Variants in D2HGDH observed in about 807,000 individuals in gnomAD.
The protein encoded by D2HGDH is D-2-hydroxyglutarate dehydrogenase, mitochondrial.
A neutral mutation model predicts 46.9 loss-of-function variants in D2HGDH; 31 were observed. The ratio of observed to expected loss-of-function variants is 0.66; its 90% CI spans 0.50 to 0.89. D2HGDH has a LOEUF of 0.89. Among genes scored for constraint, D2HGDH ranks in the 40% least tolerant of loss-of-function variants. D2HGDH has a pLI of 0.00. For missense variants in D2HGDH, 698 were observed against 720.8 expected, an observed-to-expected ratio of 0.97 and a Z score of 0.36; for synonymous variants, 364 against 332.6, an observed-to-expected ratio of 1.09 and a Z score of -1.03.
At chr2:241,738,742 G>T (rs1001982932) in intron 2 of D2HGDH, among the ~76,000 whole-genome samples, 3 of 152,352 alleles carry the variant, frequency 2.0e-5, no homozygotes, top group African/African-American at 7.2e-5. Flanking sequence ...GTCTGTGTGT[G>T]CCTGTGGGAG....
chr2:241,746,883 A>G (rs1220670662), intron 6 of D2HGDH, among the ~76,000 whole-genome samples: 2 of 149,706 alleles, frequency 1.3e-5, no homozygotes, highest in South Asian at 2.1e-4. Flanking sequence ...GCAAGACTCC[A>G]TCTCAAAAAA....
Position 241,742,820 on chromosome 2 carries a change from A to AGGTGCAG in D2HGDH, c.490+247_490+253dup, listed in dbSNP as rs1486453992. Among the ~76,000 whole-genome samples, 3 of 152,288 alleles carry AGGTGCAG rather than the reference A, an allele frequency of 2.0e-5. No individual in the cohort carries two copies. Among genetic ancestry groups the AGGTGCAG allele is most frequent in the African/African-American group, 7.2e-5 (3 of 41,560 alleles). Reference sequence around the variant, plus strand: ...CTCCATCCCGCTCTAGAGGTGTGTGAGGTGCAGAGTGGCATGTGTGAGGGG... The same window carrying AGGTGCAG: ...CTCCATCCCGCTCTAGAGGTGTGTGAGGTGCAGGGTGCAGAGTGGCATGTGTGAGGGG... On this transcript the variant is annotated intron_variant, in intron 4 of 9. Coordinates refer to ENST00000321264, the MANE Select transcript of D2HGDH (RefSeq NM_152783.5). The surrounding 1 kb of genome is among the most constrained non-coding windows in gnomAD (Gnocchi z 4.8).
intron 7 of D2HGDH, 74 bp from the exon 8 acceptor site, chr2:241,751,172 C>G (rs963633474): frequency 6.2e-7 from 1 of 1,604,854 alleles, no homozygotes; most frequent in Non-Finnish European, 8.5e-7. Context: ...TACAGCTGTT[C>G]TGCCCGAGCA....
At chr2:241,751,469 G>A in intron 8 of D2HGDH, 81 bp downstream of exon 8, 1 of 1,578,782 alleles carries the variant, frequency 6.3e-7, no homozygotes, top group Non-Finnish European at 8.6e-7. Context: ...AACGGTCATT[G>A]GTGCAGCCTA....
Position 241,751,319 on chromosome 2 carries a change from C to T in D2HGDH, c.1071C>T (p.Phe357=), listed in dbSNP as rs779478114. 5 of 1,613,790 alleles carry T rather than the reference C, an allele frequency of 3.1e-6. No individual in the cohort carries two copies. In the African/African-American group the frequency reaches 5.3e-5, roughly 17 times the overall value. The change falls in exon 8 of 10, where the codon TTC becomes TTT. Residue 357 remains phenylalanine (F), a synonymous_variant. Transcript: ENST00000321264. ...AGHDAEKLGH[F]LEHALGSGLV... The stretch of plus-strand genomic sequence containing the variant: ...ATGACGCTGAGAAGCTGGGCCACTT[C>T]CTGGAGCACGCGCTGGGCTCCGGCC...
At chr2:241,755,450 T>G in intron 8 of D2HGDH, 1 of 1,313,260 alleles carries the variant, frequency 7.6e-7, no homozygotes, top group African/African-American at 1.5e-5. Flanking sequence ...CTTGCCACTC[T>G]GTGCCGTGTC....
chr2:241,742,903 C>T lies in D2HGDH; in HGVS notation c.490+329C>T, dbSNP rs1263260628. On this transcript the variant is annotated intron_variant, in intron 4 of 9. Transcript: ENST00000321264. The surrounding 1 kb of genome is among the most constrained non-coding windows in gnomAD (Gnocchi z 4.8). ...ATGAGGGGATCCTGACCCAGGGCGC[C>T]AGGGCGTGGCAGGCGTGAGGGGATC... 6.8e-6 allele frequency among the ~76,000 whole-genome samples: 1 copy of T among 147,100 alleles called. No homozygotes were observed. The highest frequency in any genetic ancestry group is 1.5e-5 in the Non-Finnish European group (1 of 66,682).
intron 2 of D2HGDH, among the ~76,000 whole-genome samples, chr2:241,739,597 A>T (rs1316689412): frequency 6.6e-6 from 1 of 152,206 alleles, no homozygotes; most frequent in African/African-American, 2.4e-5. Flanking sequence ...TGCAGCCCCC[A>T]TCACCTGGGA....
chr2:241,750,049 A>G, intron 6 of D2HGDH, 102 bp from the exon 7 acceptor site: 3 of 1,577,980 alleles, frequency 1.9e-6, no homozygotes, highest in Non-Finnish European at 2.6e-6. Context: ...TGCCCAGCTC[A>G]CCCACCCACA....
intron 2 of D2HGDH, among the ~76,000 whole-genome samples, chr2:241,737,536 G>A (rs113499454): frequency 0.04 from 6,043 of 151,720 alleles, 152 homozygotes; most frequent in African/African-American, 0.047. Context: ...GTCACTCAGG[G>A]TGGAGTGCAG....
chr2:241,762,574 C>T (rs7569717), intron 9 of D2HGDH, among the ~76,000 whole-genome samples: 46,838 of 151,910 alleles, frequency 0.31, 8,199 homozygotes, highest in African/African-American at 0.48. Context: ...CTTCAAACAC[C>T]GTTTCTCCCC....
intron 9 of D2HGDH, among the ~76,000 whole-genome samples, chr2:241,763,060 C>A (rs1372640563): frequency 6.6e-6 from 1 of 152,114 alleles, no homozygotes; most frequent in African/African-American, 2.4e-5. Context: ...GGGCCTGGGG[C>A]CCCGCCCGGA....
At chr2:241,758,136 T>G (rs1285150153) in intron 9 of D2HGDH, among the ~76,000 whole-genome samples, 1 of 152,134 alleles carries the variant, frequency 6.6e-6, no homozygotes, top group Non-Finnish European at 1.5e-5. Flanking sequence ...CCATGATCCT[T>G]TCTGTATCTT....
Position 241,767,878 on chromosome 2 carries a change from C to T in D2HGDH, c.1475C>T (p.Pro492Leu), listed in dbSNP as rs377682185. Residue 492 changes from proline to leucine, a missense_variant, in exon 10 of 10, where the codon CCG becomes CTG. Coordinates refer to ENST00000321264, the MANE Select transcript of D2HGDH (RefSeq NM_152783.5). ...GACGTCCTGGGCTACAGCAAGCCACCGGGGGCCCTGCAGCTCATGCAGCAG... is the reference window on the plus strand; with the variant it reads ...GACGTCCTGGGCTACAGCAAGCCACTGGGGGCCCTGCAGCTCATGCAGCAG... ...KRDVLGYSKPPGALQLMQQLK... is the reference protein window; with the variant it reads ...KRDVLGYSKPLGALQLMQQLK... 3.8e-5 allele frequency: 61 copies of T among 1,608,820 alleles called. No homozygotes were observed. The South Asian group carries it at 5.4e-4, about 14-fold the overall frequency.
intron 9 of D2HGDH, among the ~76,000 whole-genome samples, chr2:241,763,197 G>A (rs987224590): frequency 6.6e-6 from 1 of 152,220 alleles, no homozygotes; most frequent in African/African-American, 2.4e-5. Flanking sequence ...TGAGAAATGT[G>A]TCATTAGGTG....
rs1692430718 is a variant in D2HGDH at position 241,735,236 on chromosome 2, T to C, written c.12T>C (p.Arg4=). ...CCGTCCCGGCGGCGATGCTGCCCCG[T>C]CGGCCTCTGGCGTGGCCCGCGTGGC... MLP[R]RPLAWPAWLL... The change falls in exon 2 of 10, where the codon CGT becomes CGC. Residue 4 remains arginine (R), a synonymous_variant. Transcript: ENST00000321264. 2 of 1,514,478 alleles carry C rather than the reference T, an allele frequency of 1.3e-6. No homozygotes were observed. Among genetic ancestry groups the C allele is most frequent in the Non-Finnish European group, 1.8e-6 (2 of 1,139,632 alleles). The allele number at this position is 1,514,478 out of a possible 1,614,324, so 93.8% of individuals were successfully genotyped here.
At chr2:241,737,285 AG>A (rs1333577083) in intron 2 of D2HGDH, among the ~76,000 whole-genome samples, 1 of 152,184 alleles carries the variant, frequency 6.6e-6, no homozygotes, top group African/African-American at 2.4e-5. Flanking sequence ...TTTTCAAATA[AG>A]GTCCCATTCA....
At chr2:241,748,208 G>A (rs1250724168) in intron 6 of D2HGDH, among the ~76,000 whole-genome samples, 1 of 152,056 alleles carries the variant, frequency 6.6e-6, no homozygotes, top group East Asian at 1.9e-4. Flanking sequence ...TGAAACCTCC[G>A]CCTCCTGGTT....
intron 9 of D2HGDH, among the ~76,000 whole-genome samples, chr2:241,761,454 G>T (rs1345321794): frequency 6.6e-6 from 1 of 152,148 alleles, no homozygotes; most frequent in East Asian, 1.9e-4. Flanking sequence ...CAGGAGAATT[G>T]CTTGAATCTG....
Sources: gnomAD v4.1 joint callset for allele counts (sites outside exome capture counted in the v4.1 genomes callset) on GRCh38, gnomAD v4.1.1 for gene constraint, Gnocchi (gnomAD v3.1) non-coding constraint, MANE v1.5 for transcripts, NCBI Gene and HGNC (gene_info 2026-07-23, HGNC 2026-07-21) for gene names.